PCDHGB4: variants seen among roughly 807,000 people sequenced by gnomAD.
PCDHGB4 encodes the protein protocadherin gamma subfamily B, 4.
PCDHGB4 carries 38 observed loss-of-function variants against 60.5 expected under a neutral mutation model. The ratio of observed to expected loss-of-function variants is 0.63; its 90% confidence interval spans 0.48 to 0.82. The LOEUF is 0.82. Ranked by LOEUF, PCDHGB4 falls within the 40% of genes least tolerant of loss-of-function variation. The pLI is 0.00. For missense variants in PCDHGB4, 1,109 were observed against 1,209.6 expected, an observed-to-expected ratio of 0.92 and a Z score of 1.23; for synonymous variants, 456 against 509.7, an observed-to-expected ratio of 0.89 and a Z score of 1.42.
chr5:141,409,938 C>T (rs754052398), intron 1 of PCDHGB4: 114 of 1,613,200 alleles, frequency 7.1e-5, no homozygotes, highest in Admixed American at 4.3e-4. Flanking sequence ...GATATGGTAC[C>T]TCGCTCTGCA....
intron 1 of PCDHGB4, among the ~76,000 whole-genome samples, chr5:141,469,186 G>T (rs536021769): frequency 6.6e-6 from 1 of 151,978 alleles, no homozygotes; most frequent in Admixed American, 6.6e-5. Flanking sequence ...TGAGGCAAGA[G>T]GATTGCTTGA....
intron 1 of PCDHGB4, chr5:141,414,421 A>C (rs1250470349): frequency 6.2e-7 from 1 of 1,613,894 alleles, no homozygotes; most frequent in East Asian, 2.2e-5. Context: ...AGCCCTTGAC[A>C]GGGAACAGGT....
At chr5:141,508,535 C>CA (rs1426956469) in intron 3 of PCDHGB4, among the ~76,000 whole-genome samples, 1 of 152,172 alleles carries the variant, frequency 6.6e-6, no homozygotes, top group Admixed American at 6.5e-5. Flanking sequence ...GGGCACCCCC[C>CA]ACGAGGTGGG....
chr5:141,402,867 C>A (rs996572604), intron 1 of PCDHGB4: 7 of 1,443,390 alleles, frequency 4.8e-6, no homozygotes, highest in Non-Finnish European at 6.4e-6. Context: ...AGGAAAAGAT[C>A]ACCATACTTT....
In PCDHGB4 at chr5:141,486,853, C is replaced by T. The variant is rs1401626024; in HGVS notation, c.2398-7954C>T. The stretch of plus-strand genomic sequence containing the variant: ...GTCTATTTGTGCTGGACCTCAATGA[C>T]AATGCTCCAGCTGTGCTCCGTCCTC... On this transcript the variant is annotated intron_variant, in intron 1 of 3. Coordinates refer to ENST00000519479, the MANE Select transcript of PCDHGB4 (RefSeq NM_003736.4). This position sits in a 1 kb window ranked among gnomAD's most constrained non-coding sequence, Gnocchi z 5.0. 6.2e-7 allele frequency: 1 copy of T among 1,614,244 alleles called. No individual in the cohort carries two copies. The highest frequency in any genetic ancestry group is 2.2e-5 in the East Asian group (1 of 44,886).
At chr5:141,408,932 A>C in intron 1 of PCDHGB4, 1 of 1,613,594 alleles carries the variant, frequency 6.2e-7, no homozygotes, top group South Asian at 1.1e-5. Context: ...GGTTTTCAGC[A>C]GAGACGAATA....
chr5:141,409,906 T>G (rs779572711), intron 1 of PCDHGB4: 2 of 1,613,096 alleles, frequency 1.2e-6, no homozygotes, highest in African/African-American at 2.7e-5. Flanking sequence ...CAGCTCTGGG[T>G]CCTGACGGCT....
At chr5:141,408,780 A>G (rs1304526612) in intron 1 of PCDHGB4, 1 of 1,612,372 alleles carries the variant, frequency 6.2e-7, no homozygotes, top group Non-Finnish European at 8.5e-7. Flanking sequence ...AAATACCCAG[A>G]GTTATCTCTG....
intron 1 of PCDHGB4, chr5:141,408,700 A>G (rs748315700): frequency 3.1e-6 from 5 of 1,613,470 alleles, no homozygotes; most frequent in Admixed American, 3.3e-5. Flanking sequence ...ACATAAACTC[A>G]ATTAAAGATT....
intron 1 of PCDHGB4, chr5:141,399,475 C>G: frequency 1.2e-6 from 2 of 1,614,022 alleles, no homozygotes; most frequent in Non-Finnish European, 1.7e-6. Context: ...GGTTTTCCAC[C>G]AGGCGTCCTA....
rs753256077 is a variant in PCDHGB4 at position 141,431,467 on chromosome 5, C to A, written c.2397+41186C>A. On this transcript the variant is annotated intron_variant, in intron 1 of 3. Coordinates refer to ENST00000519479, the MANE Select transcript of PCDHGB4 (RefSeq NM_003736.4). The surrounding 1 kb of genome is among the most constrained non-coding windows in gnomAD (Gnocchi z 4.8). The stretch of plus-strand genomic sequence containing the variant: ...TCCGCGTGATGGTTCTGGATGCGAA[C>A]GACAACGCACCAGCGTTTGCTCAGC... 1.9e-5 allele frequency: 31 copies of A among 1,613,684 alleles called. No homozygotes were observed. The highest frequency in any genetic ancestry group is 3.4e-6 in the Non-Finnish European group (4 of 1,179,964).
chr5:141,415,953 T>C, intron 1 of PCDHGB4: 3 of 486,080 alleles, frequency 6.2e-6, no homozygotes, highest in Non-Finnish European at 9.4e-6. Context: ...TGGTCACATA[T>C]TGAAACTCCA....
chr5:141,457,422 TC>T (rs1038085994), intron 1 of PCDHGB4, among the ~76,000 whole-genome samples: 1 of 151,626 alleles, frequency 6.6e-6, no homozygotes, highest in African/African-American at 2.4e-5. Context: ...CATCCCTTTT[TC>T]CCCCCCACCA....
chr5:141,403,632 G>A (rs759489331), intron 1 of PCDHGB4: 2 of 1,613,916 alleles, frequency 1.2e-6, no homozygotes, highest in Admixed American at 1.7e-5. Context: ...AGCACAGTGC[G>A]CATCCATGTG....
rs191165530 is a variant in PCDHGB4 at position 141,439,134 on chromosome 5, A to T, written c.2397+48853A>T. On this transcript the variant is annotated intron_variant, in intron 1 of 3. Coordinates refer to ENST00000519479, the MANE Select transcript of PCDHGB4 (RefSeq NM_003736.4). The stretch of plus-strand genomic sequence containing the variant: ...CTTGAACCCGGGAGACAGAGGTTGC[A>T]GTGAGCTGAGATCACGCCACTGCAC... Among the ~76,000 whole-genome samples the T allele has an allele frequency of 2.4e-3, 368 of 151,344 alleles. 1 individual carries two copies. Among genetic ancestry groups the T allele is most frequent in the African/African-American group, 8.5e-3 (349 of 41,216 alleles).
At position 141,407,205 on chromosome 5, in the gene PCDHGB4, C is replaced by T. The variant is rs146299905; in HGVS notation, c.2397+16924C>T. 1.4e-3 allele frequency among the ~76,000 whole-genome samples: 213 copies of T among 152,308 alleles called. 1 individual carries two copies. Among genetic ancestry groups the T allele is most frequent in the African/African-American group, 4.8e-3 (199 of 41,572 alleles). On this transcript the variant is annotated intron_variant, in intron 1 of 3. Coordinates refer to ENST00000519479, the MANE Select transcript of PCDHGB4 (RefSeq NM_003736.4). ...ATTTTAATTATTTCAAACACGTTTTCCCCCTTAAGTGGGTAGCAAAAAAAA... is the reference window on the plus strand; with the variant it reads ...ATTTTAATTATTTCAAACACGTTTTTCCCCTTAAGTGGGTAGCAAAAAAAA...
chr5:141,419,890 C>T (rs775698934), intron 1 of PCDHGB4: 3 of 1,614,102 alleles, frequency 1.9e-6, no homozygotes, highest in Non-Finnish European at 2.5e-6. Flanking sequence ...ATTTCAGCGA[C>T]CATCCCACAC....
intron 1 of PCDHGB4, chr5:141,392,124 A>G (rs1448052063): frequency 1.3e-5 from 2 of 152,226 alleles, no homozygotes; most frequent in Admixed American, 1.3e-4. Flanking sequence ...GAAAGCTTGT[A>G]AAATGATTAA....
chr5:141,419,275 G>A, intron 1 of PCDHGB4: 26 of 1,613,974 alleles, frequency 1.6e-5, no homozygotes, highest in Non-Finnish European at 2.2e-5. Flanking sequence ...CCTCCATAGC[G>A]CAAGTCAGTG....
Sources: gnomAD v4.1 joint callset for allele counts (sites outside exome capture counted in the v4.1 genomes callset) on GRCh38, gnomAD v4.1.1 for gene constraint, Gnocchi (gnomAD v3.1) non-coding constraint, MANE v1.5 for transcripts, NCBI Gene and HGNC (gene_info 2026-07-23, HGNC 2026-07-21) for gene names.